PKP4: variants seen among roughly 807,000 people sequenced by gnomAD.
The protein encoded by PKP4 is plakophilin 4.
PKP4 carries 90 observed loss-of-function variants against 145.1 expected under a neutral mutation model. That is an observed-to-expected ratio of 0.62 (90% confidence interval 0.52 to 0.74). The LOEUF (loss-of-function observed/expected upper bound fraction) is 0.74, where lower values mean the gene tolerates loss of function less well. PKP4 is among the 30% of genes least tolerant of loss of function. PKP4 has a pLI of 0.00. For synonymous variants in PKP4, 563 were observed against 577.2 expected, an observed-to-expected ratio of 0.98 and a Z score of 0.35; for missense variants, 1,340 against 1,482.7, an observed-to-expected ratio of 0.90 and a Z score of 1.58.
At chr2:158,530,504 C>CTTTTTTTTTTTTTT (rs869120223) in intron 1 of PKP4, among the ~76,000 whole-genome samples, 1 of 92,150 alleles carries the variant, frequency 1.1e-5, no homozygotes, top group African/African-American at 4.3e-5. Context: ...CTCTTTCTTT[C>CTTTTTTTTTTTTTT]TTTTTTTTTT....
intron 2 of PKP4, among the ~76,000 whole-genome samples, chr2:158,575,965 G>A (rs1018423016): frequency 6.6e-6 from 1 of 152,122 alleles, no homozygotes; most frequent in African/African-American, 2.4e-5. Context: ...GTTAGGCAGA[G>A]GCAGGCATTG....
At chr2:158,493,074 A>G (rs2105470099) in intron 1 of PKP4, among the ~76,000 whole-genome samples, 1 of 152,244 alleles carries the variant, frequency 6.6e-6, no homozygotes, top group East Asian at 1.9e-4. Context: ...TCTTTTTGCC[A>G]GAAGTATATA....
chr2:158,515,465 A>AT (rs2041861271), intron 1 of PKP4, among the ~76,000 whole-genome samples: 1 of 152,172 alleles, frequency 6.6e-6, no homozygotes, highest in Non-Finnish European at 1.5e-5. Context: ...TTGAAAAAAA[A>AT]GGAAAAGAAA....
chr2:158,563,214 G>A (rs1559329263), intron 2 of PKP4, among the ~76,000 whole-genome samples: 2 of 152,092 alleles, frequency 1.3e-5, no homozygotes, highest in African/African-American at 2.4e-5. Context: ...GGATTGTAGT[G>A]TGGTTTTACG....
chr2:158,584,091 A>T (rs1220710604), intron 3 of PKP4, among the ~76,000 whole-genome samples: 2 of 152,184 alleles, frequency 1.3e-5, no homozygotes, highest in African/African-American at 2.4e-5. Context: ...GTCCCAGCGC[A>T]CGTCCAAGTG....
chr2:158,663,019 CAA>C lies in PKP4; in HGVS notation c.2336_2337del (p.Lys779ArgfsTer3), dbSNP rs1419953737. 6.2e-7 allele frequency: 1 copy of C among 1,613,906 alleles called. No individual in the cohort carries two copies. Among genetic ancestry groups the C allele is most frequent in the African/African-American group, 1.3e-5 (1 of 74,970 alleles). ...ACTTACTAGGAAAAGAGTCTCCCAG[CAA>C]AGACTCTGAGCCAAGTTGCTGGGGG... ...DDLLGKESPS[K>X]DSEPSCWGKK... On this transcript the variant is annotated frameshift_variant, in exon 14 of 22. Coordinates refer to ENST00000389759, the MANE Select transcript of PKP4 (RefSeq NM_003628.6). LOFTEE classifies it high-confidence loss of function.
chr2:158,643,258 G>C (rs1250176074), intron 11 of PKP4, among the ~76,000 whole-genome samples: 1 of 152,202 alleles, frequency 6.6e-6, no homozygotes, highest in Non-Finnish European at 1.5e-5. Context: ...ATTGGGCACA[G>C]AGGATGGGTA....
chr2:158,471,107 C>T (rs1215953568), intron 1 of PKP4, among the ~76,000 whole-genome samples: 2 of 152,174 alleles, frequency 1.3e-5, no homozygotes, highest in African/African-American at 4.8e-5. Context: ...AGGAATCTCT[C>T]AGAGCCTTGG....
In PKP4 at chr2:158,665,538, A is replaced by G. The variant is rs189584886; in HGVS notation, c.2578-875A>G. On this transcript the variant is annotated intron_variant, in intron 15 of 21. Transcript: ENST00000389759. Reference sequence around the variant, plus strand: ...CCTACTGTCTTGGTCACAGCAGGAAAGTATATGTTTTATGAGCAGCATCTT... The same window carrying G: ...CCTACTGTCTTGGTCACAGCAGGAAGGTATATGTTTTATGAGCAGCATCTT... Among the ~76,000 whole-genome samples the G allele has an allele frequency of 2.1e-3, 325 of 152,320 alleles. 1 individual carries two copies. Among genetic ancestry groups the G allele is most frequent in the Middle Eastern group, 6.8e-3 (2 of 294 alleles).
intron 1 of PKP4, among the ~76,000 whole-genome samples, chr2:158,516,017 C>A (rs1423775929): frequency 6.7e-6 from 1 of 149,352 alleles, no homozygotes; most frequent in African/African-American, 2.5e-5. Flanking sequence ...TGTACTCCAG[C>A]CTGGGTGACA....
chr2:158,563,081 C>T (rs2046680242), intron 2 of PKP4, among the ~76,000 whole-genome samples: 1 of 152,056 alleles, frequency 6.6e-6, no homozygotes, highest in Non-Finnish European at 1.5e-5. Context: ...TTAAAGCAAA[C>T]AGTTCATTTT....
rs1276592317 is a variant in PKP4 at position 158,679,253 on chromosome 2, A to C, written c.3330+599A>C. The C allele has an allele frequency of 1.9e-5, 3 of 154,452 alleles. No individual in the cohort carries two copies. The East Asian group carries it at 5.7e-4, about 29-fold the overall frequency. 9.6% of individuals were successfully genotyped at this position (154,452 alleles called of 1,614,324 possible). A position where few individuals can be genotyped will look rare whatever the true frequency, so the allele number is the denominator to read the frequency against. On this transcript the variant is annotated intron_variant, in intron 21 of 21. Transcript: ENST00000389759. ...TCAGTCTCAGGTCCTTACCAGTGCC[A>C]TGGCGAACTTGGACCATCTGGTCTC... is the stretch of plus-strand genomic sequence containing the variant.
In PKP4 at chr2:158,631,914, C is replaced by T; in HGVS notation, c.1315C>T (p.Gln439Ter). The change falls in exon 8 of 22, where the codon CAG becomes TAG. Residue 439 changes from glutamine to a stop codon, truncating the protein, a stop_gained. Transcript: ENST00000389759. LOFTEE classifies it high-confidence loss of function. ...TGGAACTGTGGAGCTCCAAGGATCG[C>T]AGACGGCGTTGTATCGCACAGGTTC... ...NHGTVELQGSQTALYRTGSVG... is the reference protein window; with the variant it reads ...NHGTVELQGS 1 of 1,614,014 alleles carries T rather than the reference C, an allele frequency of 6.2e-7. No homozygotes were observed. The highest frequency in any genetic ancestry group is 8.5e-7 in the Non-Finnish European group (1 of 1,180,018).
chr2:158,659,658 C>A (rs1040736717), intron 12 of PKP4: 1 of 152,226 alleles, frequency 6.6e-6, no homozygotes, highest in African/African-American at 2.4e-5. Context: ...AGGAGTGACT[C>A]ACTAGAGGGT....
chr2:158,551,574 T>C (rs888355780), intron 2 of PKP4, among the ~76,000 whole-genome samples: 1 of 152,146 alleles, frequency 6.6e-6, no homozygotes, highest in African/African-American at 2.4e-5. Context: ...TAAGGGAAAA[T>C]AGTATTTTCC....
intron 2 of PKP4, among the ~76,000 whole-genome samples, chr2:158,550,851 A>G (rs1559310744): frequency 6.6e-6 from 1 of 152,260 alleles, no homozygotes; most frequent in Non-Finnish European, 1.5e-5. Flanking sequence ...GAGAAAGCTT[A>G]TAAATGTCTG....
At chr2:158,471,723 CT>C (rs1691600727) in intron 1 of PKP4, among the ~76,000 whole-genome samples, 1 of 152,178 alleles carries the variant, frequency 6.6e-6, no homozygotes. Flanking sequence ...CAATTTATTT[CT>C]TCTATTAAAT....
At chr2:158,467,184 T>C (rs754244266) in intron 1 of PKP4, among the ~76,000 whole-genome samples, 1 of 152,132 alleles carries the variant, frequency 6.6e-6, no homozygotes, top group East Asian at 1.9e-4. Flanking sequence ...ATCACTGTAA[T>C]AAAATTTACA....
chr2:158,514,801 C>T (rs982560466), intron 1 of PKP4, among the ~76,000 whole-genome samples: 1 of 152,000 alleles, frequency 6.6e-6, no homozygotes, highest in African/African-American at 2.4e-5. Context: ...ATTAGCCAGG[C>T]GTGGTGTCAT....
Sources: allele counts gnomAD v4.1 joint callset (sites outside exome capture counted in the v4.1 genomes callset), GRCh38; gene constraint gnomAD v4.1.1; transcripts MANE v1.5; gene names NCBI Gene and HGNC (gene_info 2026-07-23, HGNC 2026-07-21).